Variants in NMT2 observed in about 807,000 individuals in gnomAD.
NMT2 encodes N-myristoyltransferase 2.
In NMT2, 35 loss-of-function variants were observed where a neutral mutation model predicts 65.4. That is an observed-to-expected ratio of 0.54 (90% CI 0.41 to 0.71). NMT2 has a LOEUF of 0.71. NMT2 is among the 30% of genes least tolerant of loss of function. The pLI is 0.00. For synonymous variants in NMT2, 226 were observed against 231.8 expected, an observed-to-expected ratio of 0.98 and a Z score of 0.23; for missense variants, 489 against 611.3, an observed-to-expected ratio of 0.80 and a Z score of 2.11.
chr10:15,143,255 G>A (rs1846837697), intron 1 of NMT2, among the ~76,000 whole-genome samples: 1 of 152,052 alleles, frequency 6.6e-6, no homozygotes, highest in African/African-American at 2.4e-5. Context: ...CATTATCTTG[G>A]GGCCACAGGC....
intron 2 of NMT2, 189 bp downstream of exon 2, chr10:15,141,233 G>A: frequency 1.2e-6 from 1 of 807,608 alleles, no homozygotes; most frequent in East Asian, 2.6e-5. Context: ...AAAGCACAGT[G>A]TACCCCTTCG....
intron 1 of NMT2, among the ~76,000 whole-genome samples, chr10:15,165,190 GGTCACCTTTTTGTACCACT>G (rs1178909934): frequency 7.0e-6 from 1 of 143,368 alleles, no homozygotes; most frequent in Non-Finnish European, 1.5e-5. Context: ...TCATCCTCCA[GGTCACCTTTTTGTACCACT>G]GCCACCCATA....
chr10:15,132,259 A>G (rs187187460), intron 6 of NMT2, among the ~76,000 whole-genome samples: 11 of 151,250 alleles, frequency 7.3e-5, no homozygotes, highest in African/African-American at 2.7e-4. Flanking sequence ...ATTGTCCTTT[A>G]TTTTTATTCA....
At chr10:15,125,473 T>C (rs1312262932) in intron 8 of NMT2, among the ~76,000 whole-genome samples, 2 of 152,242 alleles carry the variant, frequency 1.3e-5, no homozygotes, top group Admixed American at 1.3e-4. Context: ...GTGCTAAAAC[T>C]CCTTATTCTT....
intron 8 of NMT2, among the ~76,000 whole-genome samples, chr10:15,125,945 G>A (rs1308754632): frequency 1.3e-5 from 2 of 152,000 alleles, no homozygotes; most frequent in Non-Finnish European, 2.9e-5. Flanking sequence ...GATTACAGGT[G>A]TGAGCCACCG....
chr10:15,111,276 C>T (rs956997899), intron 10 of NMT2, among the ~76,000 whole-genome samples: 12 of 151,450 alleles, frequency 7.9e-5, no homozygotes, highest in Non-Finnish European at 1.6e-4. Flanking sequence ...TTTGGGAGGC[C>T]GCAGCAGGTG....
intron 9 of NMT2, among the ~76,000 whole-genome samples, chr10:15,115,354 G>C (rs1845708907): frequency 6.6e-6 from 1 of 152,096 alleles, no homozygotes; most frequent in Admixed American, 6.6e-5. Flanking sequence ...CTAAATAAAA[G>C]TAAGGTGACT....
intron 8 of NMT2, among the ~76,000 whole-genome samples, chr10:15,123,527 C>G (rs1187654887): frequency 1.1e-5 from 1 of 89,152 alleles, no homozygotes; most frequent in Non-Finnish European, 2.0e-5. Context: ...GACTTCGTCT[C>G]ACAGAAAAAA....
chr10:15,107,205 T>C lies in NMT2; in HGVS notation c.*1990A>G, dbSNP rs1845335122. The C allele has an allele frequency of 1.0e-5, 3 of 290,500 alleles. No homozygotes were observed. Among genetic ancestry groups the C allele is most frequent in the Non-Finnish European group, 1.0e-5 (2 of 195,062 alleles). 18.0% of individuals were successfully genotyped at this position (290,500 alleles called of 1,614,324 possible). A position where few individuals can be genotyped will look rare whatever the true frequency, so the allele number is the denominator to read the frequency against. ...TGTGTAATTTGCACATGTCACAAAA[T>C]GATGTCATTTTTTGGCTTTTTCTCC... On this transcript the variant is annotated 3_prime_UTR_variant, in exon 12 of 12. Coordinates refer to ENST00000378165, the MANE Select transcript of NMT2 (RefSeq NM_004808.3).
At chr10:15,117,346 C>T (rs1845777871) in intron 9 of NMT2, among the ~76,000 whole-genome samples, 1 of 152,106 alleles carries the variant, frequency 6.6e-6, no homozygotes, top group Admixed American at 6.6e-5. Flanking sequence ...AAATCCAATG[C>T]CCATTCATAA....
intron 1 of NMT2, chr10:15,154,719 G>C: frequency 1.9e-6 from 1 of 539,764 alleles, no homozygotes; most frequent in Non-Finnish European, 3.5e-6. Context: ...AGGATACTGC[G>C]AGCAAATGGG....
intron 9 of NMT2, 151 bp from the exon 10 acceptor site, chr10:15,113,114 G>A (rs891937713): frequency 8.1e-6 from 6 of 740,678 alleles, no homozygotes; most frequent in Non-Finnish European, 1.3e-5. Flanking sequence ...CCCTTATATT[G>A]TGCTGTGTAG....
intron 8 of NMT2, among the ~76,000 whole-genome samples, chr10:15,125,887 G>A (rs1447351554): frequency 3.3e-5 from 5 of 151,968 alleles, no homozygotes; most frequent in Admixed American, 2.6e-4. Context: ...GGGTGGCCTC[G>A]ATCTCTTGAC....
chr10:15,141,906 T>C (rs981248614), intron 1 of NMT2, among the ~76,000 whole-genome samples: 1 of 152,188 alleles, frequency 6.6e-6, no homozygotes, highest in African/African-American at 2.4e-5. Flanking sequence ...ATACATGATA[T>C]GAAAAACTCC....
intron 2 of NMT2, 101 bp downstream of exon 2, chr10:15,141,321 A>G: frequency 1.4e-6 from 2 of 1,441,892 alleles, no homozygotes; most frequent in South Asian, 1.3e-5. Context: ...ACACAGTCAC[A>G]ACAAAGTCCC....
chr10:15,155,245 C>T (rs1381013624), intron 1 of NMT2: 22 of 1,497,562 alleles, frequency 1.5e-5, no homozygotes, highest in Non-Finnish European at 1.9e-5. Flanking sequence ...AACTTGTCTG[C>T]AAACAGTTCG....
intron 2 of NMT2, among the ~76,000 whole-genome samples, chr10:15,135,910 AAGAAAG>A (rs775141686): frequency 1.2e-4 from 18 of 147,926 alleles, no homozygotes; most frequent in South Asian, 1.1e-3. Flanking sequence ...AGAGAAAACA[AAGAAAG>A]AGAAAGAGAG....
intron 8 of NMT2, among the ~76,000 whole-genome samples, chr10:15,120,306 A>G (rs148180427): frequency 6.4e-4 from 97 of 152,178 alleles, no homozygotes; most frequent in African/African-American, 2.3e-3. Context: ...AAAAATGTAA[A>G]ACTTAGCCAG....
At chr10:15,121,749 T>C (rs1211302465) in intron 8 of NMT2, among the ~76,000 whole-genome samples, 2 of 152,182 alleles carry the variant, frequency 1.3e-5, no homozygotes. Flanking sequence ...TGACACACAG[T>C]GCTGATTGAT....
Sources: allele counts gnomAD v4.1 joint callset (sites outside exome capture counted in the v4.1 genomes callset), GRCh38; gene constraint gnomAD v4.1.1; transcripts MANE v1.5; gene names NCBI Gene and HGNC (gene_info 2026-07-23, HGNC 2026-07-21).